FSCN2: variants seen among roughly 807,000 people sequenced by gnomAD.
FSCN2 encodes fascin-2.
In FSCN2, 46 loss-of-function variants were observed where a neutral mutation model predicts 37.8. That is an observed-to-expected ratio of 1.22 (90% CI 0.96 to 1.56). The LOEUF is 1.56. Among genes scored for constraint, FSCN2 ranks in the 40% most tolerant of loss-of-function variants. The probability of loss-of-function intolerance (pLI) is 0.00; values close to 1 mark genes in which losing one functional copy is unlikely to be tolerated. For synonymous variants in FSCN2, 351 were observed against 309.4 expected (o/e 1.13, Z -1.41); for missense variants, 844 against 730.4 (o/e 1.16, Z -1.79).
rs1464336704 is a variant in FSCN2, at chr17:81,532,289, G to A, written c.827-2763G>A. Among the ~76,000 whole-genome samples the A allele has an allele frequency of 3.6e-5, 5 of 139,096 alleles. No individual in the cohort carries two copies. The South Asian group carries it at 9.2e-4, about 26-fold the overall frequency. 91.3% of individuals were successfully genotyped at this position (139,096 alleles called of 152,430 possible). A position where few individuals can be genotyped will look rare whatever the true frequency, so the allele number is the denominator to read the frequency against. On this transcript the variant is annotated intron_variant, in intron 1 of 4. Coordinates refer to ENST00000417245, the MANE Select transcript of FSCN2 (RefSeq NM_012418.4). ...TAGTGATGGTGGTGATGGTGATGGTGGTGATGATGATGATAGTGATGGCGA... is the reference window on the plus strand; with the variant it reads ...TAGTGATGGTGGTGATGGTGATGGTAGTGATGATGATGATAGTGATGGCGA...
In FSCN2 at chr17:81,536,681, C is replaced by G; in HGVS notation, c.1165C>G (p.Leu389Val). Residue 389 changes from leucine (L) to valine (V), a missense_variant, in exon 4 of 5, where the codon CTG becomes GTG. By Grantham distance (32) the Leu-to-Val change is conservative (BLOSUM62 1). Transcript: ENST00000417245. Reference protein sequence around the residue: ...INRPILVLRGLDGFVCHHRGS... With the variant: ...INRPILVLRGVDGFVCHHRGS... ...CCGGCCCATCCTGGTGCTGCGCGGC[C>G]TGGACGGCTTCGTCTGCCACCACCG... 1 of 1,611,314 alleles carries G rather than the reference C, an allele frequency of 6.2e-7. No homozygotes were observed.
chr17:81,537,002 G>T lies in FSCN2; in HGVS notation c.1401G>T (p.Lys467Asn). ...GRLAIRARSG[K>N]YLRGGASGLL... is the part of the protein sequence containing the mutation. ...TGGCCATCCGCGCCCGGAGCGGCAAGTACCTGCGCGGCGGCGCCTCGGGCC... is the reference window on the plus strand; with the variant it reads ...TGGCCATCCGCGCCCGGAGCGGCAATTACCTGCGCGGCGGCGCCTCGGGCC... Residue 467 changes from lysine (K) to asparagine (N), a missense_variant, in exon 5 of 5, where the codon AAG (lysine) becomes AAT (asparagine). Physicochemically the swap from Lys to Asn is moderately conservative, Grantham distance 94 (BLOSUM62 0). Coordinates refer to ENST00000417245, the MANE Select transcript of FSCN2 (RefSeq NM_012418.4). 1 of 1,514,290 alleles carries T rather than the reference G, an allele frequency of 6.6e-7. No individual in the cohort carries two copies. The allele number at this position is 1,514,290 out of a possible 1,614,324, so 93.8% of individuals were successfully genotyped here. A position where few individuals can be genotyped will look rare whatever the true frequency, so the allele number is the denominator to read the frequency against.
chr17:81,531,948 ATGATGG>A (rs1278270987), intron 1 of FSCN2, among the ~76,000 whole-genome samples: 12 of 106,470 alleles, frequency 1.1e-4, no homozygotes, highest in South Asian at 3.4e-4. Context: ...AATGGTGATG[ATGATGG>A]TGATGGTGAT....
rs2032905867 is a variant in FSCN2, at chr17:81,536,955, G to A, written c.1354G>A (p.Glu452Lys). 6.4e-7 allele frequency: 1 copy of A among 1,559,440 alleles called. No individual in the cohort carries two copies. ...DGERAEDFVF[E>K]FRERGRLAIR... ...CGAACGCGCCGAGGACTTCGTCTTC[G>A]AGTTCCGTGAGCGCGGCCGCCTGGC... is the stretch of plus-strand genomic sequence containing the variant. The change falls in exon 5 of 5, where the codon GAG becomes AAG. Residue 452 changes from glutamate to lysine, a missense_variant. Coordinates refer to ENST00000417245, the MANE Select transcript of FSCN2 (RefSeq NM_012418.4).
At chr17:81,529,869 G>A (rs1555670982) in intron 1 of FSCN2, among the ~76,000 whole-genome samples, 1 of 152,254 alleles carries the variant, frequency 6.6e-6, no homozygotes, top group Admixed American at 6.5e-5. Context: ...GAGCGCAGTG[G>A]CGTGATCTCG....
chr17:81,536,974 G>T lies in FSCN2; in HGVS notation c.1373G>T (p.Arg458Leu). ...DFVFEFRERG[R>L]LAIRARSGKY... is the part of the protein sequence containing the mutation. ...GTCTTCGAGTTCCGTGAGCGCGGCC[G>T]CCTGGCCATCCGCGCCCGGAGCGGC... The change falls in exon 5 of 5, where the codon CGC becomes CTC. Residue 458 changes from arginine (R) to leucine (L), a missense_variant. Coordinates refer to ENST00000417245, the MANE Select transcript of FSCN2 (RefSeq NM_012418.4). The T allele has an allele frequency of 2.6e-6, 4 of 1,542,338 alleles. No individual in the cohort carries two copies. Among genetic ancestry groups the T allele is most frequent in the Non-Finnish European group, 3.5e-6 (4 of 1,152,928 alleles).
chr17:81,531,471 G>GTGGTGGTGA (rs2032590913), intron 1 of FSCN2, among the ~76,000 whole-genome samples: 3 of 68,428 alleles, frequency 4.4e-5, no homozygotes, highest in Non-Finnish European at 8.4e-5. Flanking sequence ...GATGATGGTG[G>GTGGTGGTGA]TGGTGGTGAT....
chr17:81,524,397 C>A (rs1171173099), upstream of FSCN2, among the ~76,000 whole-genome samples: 1 of 152,242 alleles, frequency 6.6e-6, no homozygotes, highest in African/African-American at 2.4e-5. Flanking sequence ...ACAAGGCACC[C>A]CCTCCCAGGT....
intron 3 of FSCN2, 62 bp downstream of exon 3, chr17:81,536,329 C>T: frequency 1.3e-6 from 2 of 1,538,702 alleles, no homozygotes; most frequent in Non-Finnish European, 8.8e-7. Flanking sequence ...AAAGGACCTG[C>T]CCAGACACCC....
chr17:81,517,153 C>T, the FSCN2 span, among the ~76,000 whole-genome samples: 2 of 151,938 alleles, frequency 1.3e-5, no homozygotes, highest in Non-Finnish European at 2.9e-5. Context: ...ACCCCACTCC[C>T]CTGCCCCGCC....
upstream of FSCN2, among the ~76,000 whole-genome samples, chr17:81,528,162 CG>C (rs2053087163): frequency 6.6e-6 from 1 of 152,142 alleles, no homozygotes; most frequent in Non-Finnish European, 1.5e-5. Context: ...GCTGGGCCCA[CG>C]CTATGAGGAA....
At chr17:81,515,474 T>C in the FSCN2 span, among the ~76,000 whole-genome samples, 30 of 152,266 alleles carry the variant, frequency 2.0e-4, no homozygotes, top group South Asian at 1.4e-3. Flanking sequence ...ATTTTTCTTT[T>C]CTAGTTCAGT....
chr17:81,529,200 C>A lies in FSCN2; in HGVS notation c.669C>A (p.Asp223Glu). Reference protein sequence around the residue: ...EFKAGKLAFKDCDGHYLAPVG... With the variant: ...EFKAGKLAFKECDGHYLAPVG... ...AGGCGGGCAAGCTGGCCTTCAAGGA[C>A]TGCGACGGCCACTACCTGGCACCCG... Residue 223 changes from aspartate (D) to glutamate (E), a missense_variant, in exon 1 of 5, where the codon GAC becomes GAA. Transcript: ENST00000417245. 1 of 1,596,384 alleles carries A rather than the reference C, an allele frequency of 6.3e-7. No individual in the cohort carries two copies. Among genetic ancestry groups the A allele is most frequent in the Non-Finnish European group, 8.5e-7 (1 of 1,172,400 alleles).
chr17:81,532,135 T>TG (rs2032676762), intron 1 of FSCN2, among the ~76,000 whole-genome samples: 2 of 149,320 alleles, frequency 1.3e-5, no homozygotes, highest in Non-Finnish European at 3.0e-5. Context: ...ATGATAGTGA[T>TG]GGTGATGATG....
Position 81,529,008 on chromosome 17 carries a change from C to G in FSCN2, c.477C>G (p.Asp159Glu), listed in dbSNP as rs371033160. The change falls in exon 1 of 5, where the codon GAC becomes GAG. Residue 159 changes from aspartate (D) to glutamate (E), a missense_variant. By Grantham distance (45) the Asp-to-Glu change is conservative (BLOSUM62 2). Coordinates refer to ENST00000417245, the MANE Select transcript of FSCN2 (RefSeq NM_012418.4). ...ACGTGCACCTGTGCCCGCGGGAGGA[C>G]GAGATGGCCGCAGACGGAGACAAGC... ...RRYVHLCPRE[D>E]EMAADGDKPW... is the part of the protein sequence containing the mutation. The G allele has an allele frequency of 1.1e-5, 17 of 1,584,460 alleles. No homozygotes were observed. Among genetic ancestry groups the G allele is most frequent in the African/African-American group, 1.3e-5 (1 of 74,590 alleles).
intron 1 of FSCN2, among the ~76,000 whole-genome samples, chr17:81,531,188 G>GATGGTGATAATA (rs2032540275): frequency 7.8e-6 from 1 of 128,084 alleles, no homozygotes; most frequent in African/African-American, 4.2e-5. Context: ...TGATGATGGT[G>GATGGTGATAATA]GTGATGGTGG....
rs1335245552 is a variant in FSCN2, at chr17:81,529,848, C to T, written c.826+491C>T. Among the ~76,000 whole-genome samples, 3 of 152,254 alleles carry T rather than the reference C, an allele frequency of 2.0e-5. No individual in the cohort carries two copies. In the East Asian group the frequency reaches 5.8e-4, roughly 29 times the overall value. Reference sequence around the variant, plus strand: ...TTTTTGAGACAGAGTCTCGCTCTGTCACCCAGGCTGGAGCGCAGTGGCGTG... The same window carrying T: ...TTTTTGAGACAGAGTCTCGCTCTGTTACCCAGGCTGGAGCGCAGTGGCGTG... On this transcript the variant is annotated intron_variant, in intron 1 of 4. Coordinates refer to ENST00000417245, the MANE Select transcript of FSCN2 (RefSeq NM_012418.4).
intron 1 of FSCN2, chr17:81,530,014 G>C (rs966741527): frequency 6.9e-6 from 2 of 291,892 alleles, no homozygotes; most frequent in Non-Finnish European, 1.3e-5. Flanking sequence ...GTTTCACTGT[G>C]TTAGCCAGGA....
In FSCN2 at chr17:81,536,733, G is replaced by A. The variant is rs750102960; in HGVS notation, c.1217G>A (p.Arg406His). 4 of 1,610,954 alleles carry A rather than the reference G, an allele frequency of 2.5e-6. No homozygotes were observed. In the South Asian group the frequency reaches 3.3e-5, roughly 13 times the overall value. ...HRGSNQLDTN[R>H]SVYDVFHLSF... is the part of the protein sequence containing the mutation. ...GGCTCCAACCAGCTGGACACCAACC[G>A]CTCCGTCTACGACGTCTTCCACCTG... Residue 406 changes from arginine to histidine, a missense_variant, in exon 4 of 5, where the codon CGC (arginine) becomes CAC (histidine). Transcript: ENST00000417245.
Sources: gnomAD v4.1 joint callset for allele counts (sites outside exome capture counted in the v4.1 genomes callset) on GRCh38, gnomAD v4.1.1 for gene constraint, MANE v1.5 for transcripts, NCBI Gene and HGNC (gene_info 2026-07-23, HGNC 2026-07-21) for gene names.